Variants in GALE observed in about 807,000 individuals in gnomAD.
GALE encodes the protein UDP-glucose 4-epimerase.
GALE carries 32 observed loss-of-function variants against 44.1 expected under a neutral mutation model. The observed-to-expected ratio is 0.73, with a 90% confidence interval of 0.55 to 0.97. The LOEUF (loss-of-function observed/expected upper bound fraction) is 0.97. Among genes scored for constraint, GALE ranks in the 50% least tolerant of loss-of-function variants. The pLI is 0.00. For synonymous variants in GALE, 182 were observed against 183.5 expected (o/e 0.99, Z 0.06); for missense variants, 423 against 455.6 (o/e 0.93, Z 0.65).
rs374975277 is a variant in GALE at position 23,796,689 on chromosome 1, C to G, written c.795+8G>C. ...CTCCCCTCCCTCACTTCTCCCTTCT[C>G]TTCCTACCCGGCAGCCACACTGTTC... is the stretch of plus-strand genomic sequence containing the variant. On this transcript the variant is annotated splice_region_variant and intron_variant, in intron 9 of 11. Coordinates refer to ENST00000617979, the MANE Select transcript of GALE (RefSeq NM_001008216.2). The surrounding 1 kb of genome is among the most constrained non-coding windows in gnomAD (Gnocchi z 5.2). 149 of 1,613,476 alleles carry G rather than the reference C, an allele frequency of 9.2e-5. No individual in the cohort carries two copies. Among genetic ancestry groups the G allele is most frequent in the Non-Finnish European group, 1.2e-4 (145 of 1,179,758 alleles).
chr1:23,797,875 G>A lies in GALE; in HGVS notation c.352-4C>T, dbSNP rs201805952. The stretch of plus-strand genomic sequence containing the variant: ...TCACCCCGTGGGCCTTCATGATCTG[G>A]CCGTGGAGAGATGGCATCAGTGACC... On this transcript the variant is annotated splice_polypyrimidine_tract_variant and splice_region_variant and intron_variant, in intron 5 of 11. Coordinates refer to ENST00000617979, the MANE Select transcript of GALE (RefSeq NM_001008216.2). 6.2e-7 allele frequency: 1 copy of A among 1,614,128 alleles called. No individual in the cohort carries two copies. Among genetic ancestry groups the A allele is most frequent in the Non-Finnish European group, 8.5e-7 (1 of 1,179,956 alleles).
At chr1:23,799,159 C>A in intron 2 of GALE, 147 bp from the exon 3 acceptor site, 1 of 1,011,396 alleles carries the variant, frequency 9.9e-7, no homozygotes, top group East Asian at 2.6e-5. Context: ...AGCCCTGGGG[C>A]AAGTCTGGGT....
Position 23,798,974 on chromosome 1 carries a change from C to T in GALE, c.34G>A (p.Gly12Ser), listed in dbSNP as rs1639051995. ...AGCACCGTGTGGCTGCCAATGTAGC[C>T]AGCCCCACCTGTTACCAGCACCTTC... is the stretch of plus-strand genomic sequence containing the variant. ...AEKVLVTGGA[G>S]YIGSHTVLEL... The change falls in exon 3 of 12, where the codon GGC becomes AGC. Residue 12 changes from glycine (G) to serine (S), a missense_variant. Coordinates refer to ENST00000617979, the MANE Select transcript of GALE (RefSeq NM_001008216.2). This position sits in a 1 kb window ranked among gnomAD's most constrained non-coding sequence, Gnocchi z 4.5. The T allele has an allele frequency of 1.9e-6, 3 of 1,614,218 alleles. No homozygotes were observed. The highest frequency in any genetic ancestry group is 2.5e-6 in the Non-Finnish European group (3 of 1,180,044).
At position 23,799,224 on chromosome 1, in the gene GALE, T is replaced by TTCTA. The variant is rs1360389200; in HGVS notation, c.-6+138_-6+141dup. On this transcript the variant is annotated intron_variant, in intron 2 of 11. Transcript: ENST00000617979. ...AATTAATTAGCCTCTTGGCCTCAGTTTCTATCTCTGTAAAACAGAGCTAAT... is the reference window on the plus strand; with the variant it reads ...AATTAATTAGCCTCTTGGCCTCAGTTTCTATCTATCTCTGTAAAACAGAGCTAAT... 11 of 618,092 alleles carry TTCTA rather than the reference T, an allele frequency of 1.8e-5. No individual in the cohort carries two copies. The East Asian group carries it at 2.8e-4, about 16-fold the overall frequency. The allele number at this position is 618,092 out of a possible 1,614,324, so 38.3% of individuals were successfully genotyped here.
Position 23,796,727 on chromosome 1 carries a change from T to G in GALE, c.765A>C (p.Leu255Phe). 6.2e-7 allele frequency: 1 copy of G among 1,613,058 alleles called. No homozygotes were observed. The highest frequency in any genetic ancestry group is 8.5e-7 in the Non-Finnish European group (1 of 1,179,554). The change falls in exon 9 of 12, where the codon TTA becomes TTC. Residue 255 changes from leucine to phenylalanine, a missense_variant. By Grantham distance (22) the Leu-to-Phe change is conservative (BLOSUM62 0). Coordinates refer to ENST00000617979, the MANE Select transcript of GALE (RefSeq NM_001008216.2). This position sits in a 1 kb window ranked among gnomAD's most constrained non-coding sequence, Gnocchi z 5.2. Reference protein sequence around the residue: ...VDLAKGHIAALRKLKEQCGCR... With the variant: ...VDLAKGHIAAFRKLKEQCGCR... Reference sequence around the variant, plus strand: ...AGCCACACTGTTCTTTCAGCTTCCTTAAGGCTGCAATGTGGCCCTTGGCCA... The same window carrying G: ...AGCCACACTGTTCTTTCAGCTTCCTGAAGGCTGCAATGTGGCCCTTGGCCA...
chr1:23,798,968 T>C lies in GALE; in HGVS notation c.40A>G (p.Ile14Val). 2 of 1,614,146 alleles carry C rather than the reference T, an allele frequency of 1.2e-6. No homozygotes were observed. The highest frequency in any genetic ancestry group is 1.1e-5 in the South Asian group (1 of 91,088). The change falls in exon 3 of 12, where the codon ATT becomes GTT. Residue 14 changes from isoleucine to valine, a missense_variant. Physicochemically the swap from Ile to Val is conservative, Grantham distance 29. Coordinates refer to ENST00000617979, the MANE Select transcript of GALE (RefSeq NM_001008216.2). This position sits in a 1 kb window ranked among gnomAD's most constrained non-coding sequence, Gnocchi z 4.5. ...AGCTCCAGCACCGTGTGGCTGCCAA[T>C]GTAGCCAGCCCCACCTGTTACCAGC... ...KVLVTGGAGYIGSHTVLELLE... is the reference protein window; with the variant it reads ...KVLVTGGAGYVGSHTVLELLE...
Position 23,798,022 on chromosome 1 carries a change from T to A in GALE, c.351+95A>T, listed in dbSNP as rs1639015100. The A allele has an allele frequency of 7.6e-7, 1 of 1,318,686 alleles. No homozygotes were observed. The highest frequency in any genetic ancestry group is 1.7e-5 in the Admixed American group (1 of 59,474). 81.7% of individuals were successfully genotyped at this position (1,318,686 alleles called of 1,614,324 possible). Reference sequence around the variant, plus strand: ...GGGAGGTAAAGACATGAGTCCAGGATGATACAGCTTGGGCTCTGTGTTTGG... The same window carrying A: ...GGGAGGTAAAGACATGAGTCCAGGAAGATACAGCTTGGGCTCTGTGTTTGG... On this transcript the variant is annotated intron_variant, in intron 5 of 11. Transcript: ENST00000617979. The surrounding 1 kb of genome is among the most constrained non-coding windows in gnomAD (Gnocchi z 4.5).
At position 23,798,308 on chromosome 1, in the gene GALE, C is replaced by A; in HGVS notation, c.238-78G>T. ...TGCCCTCAGCCTGCCTGCCTGCACTCACCTTTTTTTTTTTTTTTGACAGTC... is the reference window on the plus strand; with the variant it reads ...TGCCCTCAGCCTGCCTGCCTGCACTAACCTTTTTTTTTTTTTTTGACAGTC... On this transcript the variant is annotated intron_variant, in intron 4 of 11. Coordinates refer to ENST00000617979, the MANE Select transcript of GALE (RefSeq NM_001008216.2). This position sits in a 1 kb window ranked among gnomAD's most constrained non-coding sequence, Gnocchi z 4.5. The A allele has an allele frequency of 2.1e-6, 2 of 959,138 alleles. No individual in the cohort carries two copies. Among genetic ancestry groups the A allele is most frequent in the Non-Finnish European group, 3.2e-6 (2 of 625,808 alleles). The allele number at this position is 959,138 out of a possible 1,614,324, so 59.4% of individuals were successfully genotyped here. A position where few individuals can be genotyped will look rare whatever the true frequency, so the allele number is the denominator to read the frequency against.
In GALE at chr1:23,796,932, C is replaced by T. The variant is rs780429989; in HGVS notation, c.653G>A (p.Gly218Glu). The change falls in exon 8 of 12, where the codon GGG becomes GAG. Residue 218 changes from glycine (G) to glutamate (E), a missense_variant. Gly to Glu is a moderately conservative substitution (Grantham distance 98). Transcript: ENST00000617979. The surrounding 1 kb of genome is among the most constrained non-coding windows in gnomAD (Gnocchi z 5.2). ...AAAGACATTCAGGGCCTCCCGTCGC[C>T]CGATCGCCACCTGGAGGTGGAGATC... ...LMPYVSQVAIGRREALNVFGN... is the reference protein window; with the variant it reads ...LMPYVSQVAIERREALNVFGN... 1.2e-6 allele frequency: 2 copies of T among 1,613,474 alleles called. No homozygotes were observed. Among genetic ancestry groups the T allele is most frequent in the Non-Finnish European group, 1.7e-6 (2 of 1,179,776 alleles).
rs377444727 is a variant in GALE, at chr1:23,796,215, G to A, written c.924C>T (p.Tyr308=). ...ARREGDVAAC[Y]ANPSLAQEEL... ...CCTCTTGGGCCAGGCTGGGGTTGGC[G>A]TAACAGGCTGCCACATCACCTTCCC... Residue 308 remains tyrosine, a synonymous_variant, in exon 11 of 12, where the codon TAC becomes TAT. Coordinates refer to ENST00000617979, the MANE Select transcript of GALE (RefSeq NM_001008216.2). The surrounding 1 kb of genome is among the most constrained non-coding windows in gnomAD (Gnocchi z 5.2). 2.5e-5 allele frequency: 40 copies of A among 1,614,102 alleles called. No homozygotes were observed. The highest frequency in any genetic ancestry group is 1.3e-4 in the Admixed American group (8 of 60,028).
In GALE at chr1:23,798,207, G is replaced by A; in HGVS notation, c.261C>T (p.His87=). Residue 87 remains histidine (H), a synonymous_variant, in exon 5 of 12, where the codon CAC becomes CAT. Coordinates refer to ENST00000617979, the MANE Select transcript of GALE (RefSeq NM_001008216.2). The surrounding 1 kb of genome is among the most constrained non-coding windows in gnomAD (Gnocchi z 4.5). ...FKKYSFMAVI[H]FAGLKAVGES... is the part of the protein sequence containing the mutation. ...CGCCCACGGCCTTGAGCCCCGCAAA[G>A]TGGATGACCGCCATAAAGCTGTACT... 1.2e-6 allele frequency: 2 copies of A among 1,613,980 alleles called. No individual in the cohort carries two copies. The highest frequency in any genetic ancestry group is 8.5e-7 in the Non-Finnish European group (1 of 1,179,976).
At position 23,796,242 on chromosome 1, in the gene GALE, C is replaced by T. The variant is rs1436383100; in HGVS notation, c.897G>A (p.Arg299=). The T allele has an allele frequency of 6.2e-7, 1 of 1,614,164 alleles. No individual in the cohort carries two copies. Among genetic ancestry groups the T allele is most frequent in the Non-Finnish European group, 8.5e-7 (1 of 1,180,012 alleles). The change falls in exon 11 of 12, where the codon CGG becomes CGA. Residue 299 remains arginine, a synonymous_variant. Transcript: ENST00000617979. This position sits in a 1 kb window ranked among gnomAD's most constrained non-coding sequence, Gnocchi z 5.2. ...AACAGGCTGCCACATCACCTTCCCG[C>T]CGTGCCACCACCTTGTACGGGATCT... ...GKKIPYKVVA[R]REGDVAACYA...
chr1:23,798,850 T>C lies in GALE; in HGVS notation c.121+37A>G, dbSNP rs1639046572. On this transcript the variant is annotated intron_variant, in intron 3 of 11. Coordinates refer to ENST00000617979, the MANE Select transcript of GALE (RefSeq NM_001008216.2). The surrounding 1 kb of genome is among the most constrained non-coding windows in gnomAD (Gnocchi z 4.5). ...GGAACCCAGGGTTTTGCTTCTGCCA[T>C]CCCCTCAAGTAGCCCCAGCCCCACT... 6.2e-7 allele frequency: 1 copy of C among 1,613,976 alleles called. No individual in the cohort carries two copies. The highest frequency in any genetic ancestry group is 1.3e-5 in the African/African-American group (1 of 75,006).
Position 23,798,311 on chromosome 1 carries a change from CTTTTTT to C in GALE, c.238-87_238-82del. 1.3e-6 allele frequency: 1 copy of C among 792,518 alleles called. No individual in the cohort carries two copies. The highest frequency in any genetic ancestry group is 1.6e-5 in the South Asian group (1 of 64,216). The allele number at this position is 792,518 out of a possible 1,614,324, so 49.1% of individuals were successfully genotyped here. A position where few individuals can be genotyped will look rare whatever the true frequency, so the allele number is the denominator to read the frequency against. On this transcript the variant is annotated intron_variant, in intron 4 of 11. Transcript: ENST00000617979. The surrounding 1 kb of genome is among the most constrained non-coding windows in gnomAD (Gnocchi z 4.5). ...CCTCAGCCTGCCTGCCTGCACTCAC[CTTTTTT>C]TTTTTTTTTGACAGTCTCGCTCTGT...
At chr1:23,797,663 T>C (rs1430461703) in intron 6 of GALE, 32 bp downstream of exon 6, 1 of 1,608,270 alleles carries the variant, frequency 6.2e-7, no homozygotes. Context: ...CATCGATCAG[T>C]GGAGCCAGGG....
chr1:23,797,924 CCT>C, intron 5 of GALE, 53 bp from the exon 6 acceptor site: 1 of 1,574,474 alleles, frequency 6.4e-7, no homozygotes, highest in Non-Finnish European at 8.7e-7. Flanking sequence ...TTACTCCCAC[CCT>C]GTTACTCCTC....
Position 23,796,501 on chromosome 1 carries a change from G to C in GALE, c.873+8C>G. ...GGTGGGTGAGGTGGGTGGGGCGGGG[G>C]GGCCTACCTTCTTCCCAGAGGCCTT... is the stretch of plus-strand genomic sequence containing the variant. On this transcript the variant is annotated splice_region_variant and intron_variant, in intron 10 of 11. Transcript: ENST00000617979. This position sits in a 1 kb window ranked among gnomAD's most constrained non-coding sequence, Gnocchi z 5.2. 1 of 1,606,878 alleles carries C rather than the reference G, an allele frequency of 6.2e-7. No individual in the cohort carries two copies. Among genetic ancestry groups the C allele is most frequent in the Non-Finnish European group, 8.5e-7 (1 of 1,175,988 alleles).
rs1156262490 is a variant in GALE at position 23,797,028 on chromosome 1, C to T, written c.642+6G>A. ...CCACTCCTCTGTCCCTTCCCTTTTG[C>T]CTTACCTGGGAGACATAAGGCATGA... On this transcript the variant is annotated splice_donor_region_variant and intron_variant, in intron 7 of 11. Transcript: ENST00000617979. 1 of 1,612,072 alleles carries T rather than the reference C, an allele frequency of 6.2e-7. No homozygotes were observed. Among genetic ancestry groups the T allele is most frequent in the South Asian group, 1.1e-5 (1 of 90,638 alleles).
rs772102427 is a variant in GALE, at chr1:23,798,674, C to A, written c.178G>T (p.Val60Leu). The A allele has an allele frequency of 6.2e-7, 1 of 1,613,894 alleles. No homozygotes were observed. The highest frequency in any genetic ancestry group is 8.5e-7 in the Non-Finnish European group (1 of 1,179,852). The change falls in exon 4 of 12, where the codon GTG becomes TTG. Residue 60 changes from valine to leucine, a missense_variant. By Grantham distance (32) the Val-to-Leu change is conservative (BLOSUM62 1). Coordinates refer to ENST00000617979, the MANE Select transcript of GALE (RefSeq NM_001008216.2). The surrounding 1 kb of genome is among the most constrained non-coding windows in gnomAD (Gnocchi z 4.5). ...RRVQELTGRSVEFEEMDILDQ... is the reference protein window; with the variant it reads ...RRVQELTGRSLEFEEMDILDQ... ...AAAATGTCCATCTCCTCAAACTCCACAGAGCGGCCTGTCAGCTCCTGGACC... is the reference window on the plus strand; with the variant it reads ...AAAATGTCCATCTCCTCAAACTCCAAAGAGCGGCCTGTCAGCTCCTGGACC...
Sources: gnomAD v4.1 joint callset for allele counts on GRCh38, gnomAD v4.1.1 for gene constraint, Gnocchi (gnomAD v3.1) non-coding constraint, MANE v1.5 for transcripts, NCBI Gene and HGNC (gene_info 2026-07-23, HGNC 2026-07-21) for gene names.